Variants in DHX37 observed in about 807,000 individuals in gnomAD.
DHX37 encodes the protein probable ATP-dependent RNA helicase DHX37.
A neutral mutation model predicts 134.3 loss-of-function variants in DHX37; 52 were observed. That is an observed-to-expected ratio of 0.39 (90% CI 0.31 to 0.49). The LOEUF is 0.49. DHX37 is among the 20% of genes least tolerant of loss of function. The probability of loss-of-function intolerance (pLI) is 0.93; values close to 1 mark genes in which losing one functional copy is unlikely to be tolerated. For missense variants in DHX37, 1,344 were observed against 1,580.8 expected (o/e 0.85, Z 2.54); for synonymous variants, 634 against 670.7 (o/e 0.95, Z 0.85).
rs540767251 is a variant in DHX37 at position 124,965,037 on chromosome 12, A to T, written c.1736-31T>A. 14 of 1,575,238 alleles carry T rather than the reference A, an allele frequency of 8.9e-6. No homozygotes were observed. The Admixed American group carries it at 1.7e-4, about 19-fold the overall frequency. ...GGGAAAGCAGAGGTCACTGGCACCC[A>T]GGCCGGGACAGATGCCCACAGGCAG... is the stretch of plus-strand genomic sequence containing the variant. On this transcript the variant is annotated intron_variant, in intron 13 of 26. Transcript: ENST00000308736.
chr12:124,979,904 G>T (rs1954720806), intron 4 of DHX37, among the ~76,000 whole-genome samples: 1 of 152,232 alleles, frequency 6.6e-6, no homozygotes, highest in African/African-American at 2.4e-5. Flanking sequence ...GCAGAAAAAT[G>T]TACTTAGAAG....
At chr12:124,961,505 T>C (rs556605448) in intron 15 of DHX37, among the ~76,000 whole-genome samples, 18 of 152,346 alleles carry the variant, frequency 1.2e-4, no homozygotes, top group African/African-American at 4.1e-4. Flanking sequence ...CTTGGCTCAC[T>C]GCAACCTCTG....
At chr12:124,958,864 T>C (rs1954160744) in intron 16 of DHX37, among the ~76,000 whole-genome samples, 1 of 151,030 alleles carries the variant, frequency 6.6e-6, no homozygotes, top group South Asian at 2.1e-4. Context: ...GATGTTGTGA[T>C]CCACCCGCCT....
Position 124,968,641 on chromosome 12 carries a change from G to A in DHX37, c.1301C>T (p.Ser434Phe). ...AKPPPVIKVE[S>F]RQFPVTVHFN... ...ATGCACAGTCACTGGGAACTGCCTG[G>A]ATTCCACCTGTGGGACGCCCAGGAA... Residue 434 changes from serine (S) to phenylalanine (F), a missense_variant, in exon 10 of 27, where the codon TCC becomes TTC. Ser to Phe is a radical substitution (Grantham distance 155). Coordinates refer to ENST00000308736, the MANE Select transcript of DHX37 (RefSeq NM_032656.4). The A allele has an allele frequency of 6.2e-7, 1 of 1,614,080 alleles. No individual in the cohort carries two copies. The highest frequency in any genetic ancestry group is 8.5e-7 in the Non-Finnish European group (1 of 1,180,046).
chr12:124,950,993 G>A (rs10773126), intron 21 of DHX37, among the ~76,000 whole-genome samples, 189 bp from the exon 22 acceptor site: 87,989 of 152,142 alleles, frequency 0.58, 26,281 homozygotes, highest in East Asian at 0.84. Flanking sequence ...AGGAAGTGCC[G>A]GGTGCAATGG....
intron 15 of DHX37, among the ~76,000 whole-genome samples, chr12:124,962,443 G>C (rs1393380923): frequency 1.3e-5 from 2 of 151,914 alleles, no homozygotes. Flanking sequence ...ATCACCTGAG[G>C]TCAGGAGTTC....
intron 22 of DHX37, 46 bp from the exon 23 acceptor site, chr12:124,950,596 G>GGGAGGGGGTTACAGCGGCACCCTCCGTT (rs1953958333): frequency 6.4e-7 from 1 of 1,550,620 alleles, no homozygotes; most frequent in Non-Finnish European, 8.7e-7. Flanking sequence ...CACCCTCCGT[G>GGGAGGGGGTTACAGCGGCACCCTCCGTT]GGAGGGGCTG....
At position 124,980,590 on chromosome 12, in the gene DHX37, C is replaced by T. The variant is rs770292827; in HGVS notation, c.638G>A (p.Gly213Glu). The change falls in exon 4 of 27, where the codon GGG becomes GAG. Residue 213 changes from glycine to glutamate, a missense_variant. Physicochemically the swap from Gly to Glu is moderately conservative, Grantham distance 98. Coordinates refer to ENST00000308736, the MANE Select transcript of DHX37 (RefSeq NM_032656.4). This position sits in a 1 kb window ranked among gnomAD's most constrained non-coding sequence, Gnocchi z 5.3. ...PAPSSQPVPAGMTVPPPPAAA... is the reference protein window; with the variant it reads ...PAPSSQPVPAEMTVPPPPAAA... ...AGCTGGAGGAGGAGGAACAGTCATC[C>T]CAGCCGGCACGGGCTGACTGCTGGG... 1.2e-6 allele frequency: 2 copies of T among 1,611,032 alleles called. No homozygotes were observed. Among genetic ancestry groups the T allele is most frequent in the Non-Finnish European group, 1.7e-6 (2 of 1,179,744 alleles).
At chr12:124,986,036 AC>A in intron 2 of DHX37, 59 bp downstream of exon 2, 8 of 1,588,002 alleles carry the variant, frequency 5.0e-6, no homozygotes, top group Non-Finnish European at 6.8e-6. Context: ...GAGGAGAGAG[AC>A]CCCCCATCTC....
Position 124,949,935 on chromosome 12 carries a change from C to G in DHX37, c.3290+51G>C, listed in dbSNP as rs1381637292. On this transcript the variant is annotated intron_variant, in intron 25 of 26. Coordinates refer to ENST00000308736, the MANE Select transcript of DHX37 (RefSeq NM_032656.4). This position sits in a 1 kb window ranked among gnomAD's most constrained non-coding sequence, Gnocchi z 4.0. ...TCCTGGCAGCCCCGGGGAGGTCATT[C>G]AGGCCTCGGACCCCTCCTGCCCACT... is the stretch of plus-strand genomic sequence containing the variant. The G allele has an allele frequency of 6.5e-7, 1 of 1,548,706 alleles. No homozygotes were observed. Among genetic ancestry groups the G allele is most frequent in the African/African-American group, 1.4e-5 (1 of 73,340 alleles).
chr12:124,983,426 C>T (rs1008600032), intron 2 of DHX37, among the ~76,000 whole-genome samples: 9 of 151,344 alleles, frequency 5.9e-5, no homozygotes, highest in African/African-American at 1.7e-4. Context: ...ATTACACACA[C>T]ACACACACAC....
At chr12:124,957,860 G>A in intron 16 of DHX37, among the ~76,000 whole-genome samples, 1 of 152,208 alleles carries the variant, frequency 6.6e-6, no homozygotes, top group Non-Finnish European at 1.5e-5. Flanking sequence ...GTCTCTGAAT[G>A]GAGGAGTGCA....
chr12:124,948,309 G>T, intron 25 of DHX37, 128 bp from the exon 26 acceptor site: 1 of 1,445,216 alleles, frequency 6.9e-7, no homozygotes, highest in Non-Finnish European at 9.1e-7. Context: ...AGCTGGCTGG[G>T]CATGGTGACA....
chr12:124,972,402 T>C (rs1954540459), intron 7 of DHX37, 101 bp downstream of exon 7: 2 of 1,226,214 alleles, frequency 1.6e-6, no homozygotes, highest in Non-Finnish European at 2.4e-6. Context: ...GAGTGCTGGA[T>C]CAACAGGTGG....
At chr12:124,964,246 G>C (rs915661288) in intron 15 of DHX37, 148 bp downstream of exon 15, 6 of 1,130,738 alleles carry the variant, frequency 5.3e-6, no homozygotes, top group Non-Finnish European at 7.3e-6. Flanking sequence ...GCCAGCAAAA[G>C]GGCTGGGGAG....
At chr12:124,964,333 T>A in intron 15 of DHX37, 61 bp downstream of exon 15, 3 of 1,600,842 alleles carry the variant, frequency 1.9e-6, no homozygotes, top group Non-Finnish European at 2.5e-6. Context: ...CCTTCCCTTG[T>A]TCCTCAGTGG....
Position 124,960,303 on chromosome 12 carries a change from G to A in DHX37, c.2157+9C>T. ...GTGGCTGAGAGCGGGGCTGGGGGCA[G>A]CAACTGACCTTTTCAACGTTGAGCG... On this transcript the variant is annotated intron_variant, in intron 16 of 26. Coordinates refer to ENST00000308736, the MANE Select transcript of DHX37 (RefSeq NM_032656.4). 6.2e-7 allele frequency: 1 copy of A among 1,608,780 alleles called. No individual in the cohort carries two copies. Among genetic ancestry groups the A allele is most frequent in the East Asian group, 2.2e-5 (1 of 44,744 alleles).
At chr12:124,966,727 C>T (rs968236812) in intron 12 of DHX37, 66 bp downstream of exon 12, 3 of 1,518,816 alleles carry the variant, frequency 2.0e-6, no homozygotes, top group African/African-American at 2.8e-5. Flanking sequence ...CCACATGGGG[C>T]TGGTAGCTGC....
rs559546756 is a variant in DHX37, at chr12:124,963,364, A to AG, written c.2045+1029dup. On this transcript the variant is annotated intron_variant, in intron 15 of 26. Coordinates refer to ENST00000308736, the MANE Select transcript of DHX37 (RefSeq NM_032656.4). ...TTGCCACAGGCTGGGGCGGGGAAGA[A>AG]GGGGGGTGACTGCAGTGGTCACGGG... Among the ~76,000 whole-genome samples, 21 of 152,280 alleles carry AG rather than the reference A, an allele frequency of 1.4e-4. 1 individual carries two copies. The East Asian group carries it at 4.1e-3, about 29-fold the overall frequency.
Sources: allele counts gnomAD v4.1 joint callset (sites outside exome capture counted in the v4.1 genomes callset), GRCh38; gene constraint gnomAD v4.1.1; non-coding constraint Gnocchi (gnomAD v3.1); transcripts MANE v1.5; gene names NCBI Gene and HGNC (gene_info 2026-07-23, HGNC 2026-07-21).